Variants in CLVS1 observed in about 807,000 individuals in gnomAD.
CLVS1 encodes the protein clavesin-1.
Under a neutral mutation model 33.1 loss-of-function variants are expected in CLVS1, and 10 were observed. That is an observed-to-expected ratio of 0.30 (90% CI 0.19 to 0.51). The LOEUF (loss-of-function observed/expected upper bound fraction) is 0.51, where lower values mean the gene tolerates loss of function less well. CLVS1 is among the 20% of genes least tolerant of loss of function. The pLI is 0.97. For missense variants in CLVS1, 343 were observed against 433.4 expected (o/e 0.79, Z 1.85); for synonymous variants, 163 against 166.1 (o/e 0.98, Z 0.14).
chr8:60,989,348 T>C, the CLVS1 span, among the ~76,000 whole-genome samples: 1 of 152,170 alleles, frequency 6.6e-6, no homozygotes, highest in Admixed American at 6.5e-5. Context: ...GCCCAGCTAA[T>C]TTTTTATATT....
At chr8:61,339,829 C>A (rs4738883) in intron 2 of CLVS1, among the ~76,000 whole-genome samples, 70,796 of 137,472 alleles carry the variant, frequency 0.51, 17,497 homozygotes, top group East Asian at 0.82. Context: ...AAAGAAAGAG[C>A]GAGAAAGGAA....
chr8:61,163,148 G>A (rs1043834547), intron 2 of CLVS1, among the ~76,000 whole-genome samples: 7 of 152,106 alleles, frequency 4.6e-5, no homozygotes, highest in Non-Finnish European at 8.8e-5. Flanking sequence ...CTGTCCATGT[G>A]TCCACATATT....
intron 2 of CLVS1, among the ~76,000 whole-genome samples, chr8:61,275,117 C>G (rs138390898): frequency 6.6e-6 from 1 of 152,118 alleles, no homozygotes; most frequent in African/African-American, 2.4e-5. Context: ...AAAATATTAT[C>G]GAACCCAGAG....
At chr8:61,302,921 C>A (rs549223751) in intron 2 of CLVS1, among the ~76,000 whole-genome samples, 1 of 152,080 alleles carries the variant, frequency 6.6e-6, no homozygotes, top group Non-Finnish European at 1.5e-5. Context: ...CACTTTTAAA[C>A]GATCAGATCT....
intron 2 of CLVS1, among the ~76,000 whole-genome samples, chr8:61,303,095 T>C (rs574121141): frequency 6.6e-6 from 1 of 152,304 alleles, no homozygotes; most frequent in Admixed American, 6.5e-5. Context: ...TATCAATAAT[T>C]GTGCTGACTT....
In CLVS1 at chr8:61,098,895, GT is replaced by G. The variant is rs539493524; in HGVS notation, c.-242-32868del. 2.2e-3 allele frequency among the ~76,000 whole-genome samples: 329 copies of G among 152,236 alleles called. 3 individuals are homozygous for G. Among genetic ancestry groups the G allele is most frequent in the African/African-American group, 6.2e-3 (257 of 41,550 alleles). ...TTTGCCAAAAATGAAGCAAAAAAAA[GT>G]TTTTTTATTGAAATGTAAAGCCTAT... On this transcript the variant is annotated intron_variant, in intron 1 of 2. Transcript: ENST00000522621.
At chr8:61,256,177 G>T (rs1193662764) in intron 2 of CLVS1, among the ~76,000 whole-genome samples, 1 of 152,052 alleles carries the variant, frequency 6.6e-6, no homozygotes, top group African/African-American at 2.4e-5. Context: ...GTATGAATTT[G>T]ACTACTAAAG....
chr8:61,376,314 A>G (rs1404178043), intron 2 of CLVS1, among the ~76,000 whole-genome samples: 1 of 152,192 alleles, frequency 6.6e-6, no homozygotes, highest in African/African-American at 2.4e-5. Flanking sequence ...ACAAAATGCA[A>G]TTGGGGCTGT....
intron 3 of CLVS1, among the ~76,000 whole-genome samples, chr8:61,395,578 A>G (rs1238096967): frequency 6.6e-6 from 1 of 152,204 alleles, no homozygotes; most frequent in Admixed American, 6.5e-5. Context: ...CCATAAATAT[A>G]CACAATTATT....
chr8:61,389,910 G>T (rs921829533), intron 3 of CLVS1, among the ~76,000 whole-genome samples: 1 of 152,168 alleles, frequency 6.6e-6, no homozygotes, highest in Non-Finnish European at 1.5e-5. Flanking sequence ...TTTTTTGAGG[G>T]TTTACGAGAG....
At chr8:61,277,909 G>A (rs1428899353) in intron 2 of CLVS1, among the ~76,000 whole-genome samples, 1 of 152,154 alleles carries the variant, frequency 6.6e-6, no homozygotes, top group Non-Finnish European at 1.5e-5. Flanking sequence ...GAGTCTCTGT[G>A]TGCAGCAACT....
intron 2 of CLVS1, among the ~76,000 whole-genome samples, chr8:61,275,377 A>G (rs1273055660): frequency 6.6e-6 from 1 of 152,092 alleles, no homozygotes; most frequent in African/African-American, 2.4e-5. Context: ...GAGTTAAGTA[A>G]TTTATTCAAG....
the CLVS1 span, among the ~76,000 whole-genome samples, chr8:61,010,049 G>T: frequency 6.6e-6 from 1 of 152,202 alleles, no homozygotes; most frequent in African/African-American, 2.4e-5. Flanking sequence ...TGGGAATGGG[G>T]AGGGAGTAGG....
rs530985251 is a variant in CLVS1 at position 61,353,454 on chromosome 8, AAAG to A, written c.456-23144_456-23142del. Among the ~76,000 whole-genome samples, 44 of 152,112 alleles carry A rather than the reference AAAG, an allele frequency of 2.9e-4. No homozygotes were observed. In the South Asian group the frequency reaches 9.1e-3, roughly 31 times the overall value. On this transcript the variant is annotated intron_variant, in intron 2 of 5. Coordinates refer to ENST00000325897, the MANE Select transcript of CLVS1 (RefSeq NM_173519.3). Reference sequence around the variant, plus strand: ...TACACTTCTAAATAATCTATAGATCAAAGAAGAAGCCTCAAAGGAAAATTTACT... The same window carrying A: ...TACACTTCTAAATAATCTATAGATCAAAGAAGCCTCAAAGGAAAATTTACT...
At chr8:61,322,834 A>G (rs912244204) in intron 2 of CLVS1, among the ~76,000 whole-genome samples, 1 of 152,114 alleles carries the variant, frequency 6.6e-6, no homozygotes, top group Admixed American at 6.6e-5. Flanking sequence ...TTTACCTAAA[A>G]CACTTTTCAA....
In CLVS1 at chr8:61,083,720, C is replaced by G. The variant is rs530756096; in HGVS notation, c.-243+26490C>G. Among the ~76,000 whole-genome samples the G allele has an allele frequency of 5.2e-4, 79 of 151,702 alleles. 1 individual carries two copies. Among genetic ancestry groups the G allele is most frequent in the Admixed American group, 4.4e-3 (67 of 15,246 alleles). On this transcript the variant is annotated intron_variant, in intron 1 of 2. Coordinates refer to the CLVS1 transcript ENST00000522621. Reference sequence around the variant, plus strand: ...AGTGAAAAAAACAGAGTATATAGATCTATGAAACCTGATACATGGATTAAA... The same window carrying G: ...AGTGAAAAAAACAGAGTATATAGATGTATGAAACCTGATACATGGATTAAA...
intron 1 of CLVS1, among the ~76,000 whole-genome samples, 166 bp from the exon 2 acceptor site, chr8:61,299,511 C>G (rs1475501473): frequency 6.6e-6 from 1 of 152,184 alleles, no homozygotes; most frequent in Admixed American, 6.5e-5. Flanking sequence ...TCAACTTTTG[C>G]TCAATACTCC....
intron 2 of CLVS1, among the ~76,000 whole-genome samples, chr8:61,214,763 T>C (rs1404299696): frequency 6.6e-6 from 1 of 152,236 alleles, no homozygotes; most frequent in Non-Finnish European, 1.5e-5. Flanking sequence ...TTTATGGTTA[T>C]AATTTGATCC....
chr8:61,250,731 T>A (rs920248760), intron 2 of CLVS1, among the ~76,000 whole-genome samples: 1 of 152,170 alleles, frequency 6.6e-6, no homozygotes, highest in African/African-American at 2.4e-5. Context: ...CTGTTATTGG[T>A]GTAAAGGAAT....
Sources: allele counts gnomAD v4.1 joint callset (sites outside exome capture counted in the v4.1 genomes callset), GRCh38; gene constraint gnomAD v4.1.1; transcripts MANE v1.5; gene names NCBI Gene and HGNC (gene_info 2026-07-23, HGNC 2026-07-21).